The following VWA3B variants were observed in gnomAD, a reference collection of about 807,000 sequenced individuals.
VWA3B encodes von Willebrand factor A domain containing 3B.
VWA3B carries 138 observed loss-of-function variants against 158.3 expected under a neutral mutation model. The observed-to-expected ratio is 0.87, with a 90% confidence interval of 0.76 to 1.00. VWA3B has a LOEUF of 1.00. Ranked by LOEUF, VWA3B falls within the 50% of genes least tolerant of loss-of-function variation. VWA3B has a pLI of 0.00. For synonymous variants in VWA3B, 596 were observed against 587.3 expected (o/e 1.01, Z -0.21); for missense variants, 1,555 against 1,565.1 (o/e 0.99, Z 0.11).
chr2:98,145,143 C>T (rs900726962), intron 7 of VWA3B, among the ~76,000 whole-genome samples: 15 of 152,318 alleles, frequency 9.8e-5, no homozygotes, highest in South Asian at 2.1e-4. Flanking sequence ...CTGCTGTGGT[C>T]GATTTTCCCT....
At chr2:98,307,806 T>C (rs1348901511) in intron 26 of VWA3B, among the ~76,000 whole-genome samples, 1 of 152,224 alleles carries the variant, frequency 6.6e-6, no homozygotes, top group Non-Finnish European at 1.5e-5. Context: ...CAACAGAACA[T>C]TATTTGACTA....
At chr2:98,314,641 A>G (rs1691050140), downstream of VWA3B, among the ~76,000 whole-genome samples, 1 of 152,250 alleles carries the variant, frequency 6.6e-6, no homozygotes, top group Admixed American at 6.5e-5. Context: ...TCCATCATCC[A>G]ACAAGGTACA....
intron 15 of VWA3B, chr2:98,229,085 A>G (rs958965769): frequency 1.3e-5 from 2 of 152,242 alleles, no homozygotes; most frequent in Non-Finnish European, 2.9e-5. Flanking sequence ...GTAGGGCATG[A>G]CTGTGGAATC....
In VWA3B at chr2:98,298,003, G is replaced by A. The variant is rs1689917364; in HGVS notation, c.3254G>A (p.Gly1085Glu). ...TCCACCTCCTTCATCACGCCTGTGG[G>A]GGGCGCCATGCCCTGCCCGCTGCTC... is the stretch of plus-strand genomic sequence containing the variant. ...VVSTSFITPVGGAMPCPLLQV... is the reference protein window; with the variant it reads ...VVSTSFITPVEGAMPCPLLQV... Residue 1085 changes from glycine (G) to glutamate (E), a missense_variant, in exon 24 of 28, where the codon GGG becomes GAG. Gly to Glu is a moderately conservative substitution (Grantham distance 98). Coordinates refer to ENST00000477737, the MANE Select transcript of VWA3B (RefSeq NM_144992.5). 2 of 1,580,976 alleles carry A rather than the reference G, an allele frequency of 1.3e-6. No individual in the cohort carries two copies. Among genetic ancestry groups the A allele is most frequent in the Non-Finnish European group, 1.7e-6 (2 of 1,163,800 alleles).
In VWA3B at chr2:98,194,406, G is replaced by T; in HGVS notation, c.1651G>T (p.Gly551Cys). The T allele has an allele frequency of 6.2e-7, 1 of 1,613,982 alleles. No individual in the cohort carries two copies. The highest frequency in any genetic ancestry group is 8.5e-7 in the Non-Finnish European group (1 of 1,179,896). ...TAAGTTTAACTTTGTGAAGTTTGAT[G>T]GTCAAGCAGTTGCTTGGCGGGAACA... is the stretch of plus-strand genomic sequence containing the variant. ...KSKFNFVKFD[G>C]QAVAWREQLA... The change falls in exon 12 of 28, where the codon GGT becomes TGT. Residue 551 changes from glycine to cysteine, a missense_variant. By Grantham distance (159) the Gly-to-Cys change is radical (BLOSUM62 -3). Coordinates refer to ENST00000477737, the MANE Select transcript of VWA3B (RefSeq NM_144992.5).
At chr2:98,247,204 G>T (rs972346021) in intron 19 of VWA3B, among the ~76,000 whole-genome samples, 1 of 151,850 alleles carries the variant, frequency 6.6e-6, no homozygotes, top group African/African-American at 2.4e-5. Context: ...CACCATGTTG[G>T]CCAGGCTGGT....
intron 22 of VWA3B, among the ~76,000 whole-genome samples, chr2:98,280,977 A>AT (rs1452927105): frequency 2.0e-5 from 3 of 152,188 alleles, no homozygotes; most frequent in African/African-American, 7.2e-5. Context: ...CTTTAGCACA[A>AT]TATTTGCCTT....
chr2:98,305,120 C>T (rs1026322749), intron 26 of VWA3B, among the ~76,000 whole-genome samples: 1 of 152,174 alleles, frequency 6.6e-6, no homozygotes, highest in Non-Finnish European at 1.5e-5. Flanking sequence ...CCCTTCTGCC[C>T]TAAACCCTCC....
intron 24 of VWA3B, among the ~76,000 whole-genome samples, chr2:98,299,555 C>T (rs528093276): frequency 6.6e-6 from 1 of 152,312 alleles, no homozygotes; most frequent in East Asian, 1.9e-4. Context: ...CAACAGTGCT[C>T]TTGTACCCTG....
Position 98,289,733 on chromosome 2 carries a change from G to A in VWA3B, c.3046-778G>A, listed in dbSNP as rs879624981. ...TTTTCTGTTGAAGGGCCCCTTTACC[G>A]CTCACTGTTCTAGGAAGGCAGCAGT... On this transcript the variant is annotated intron_variant, in intron 22 of 27. Coordinates refer to ENST00000477737, the MANE Select transcript of VWA3B (RefSeq NM_144992.5). 1.4e-4 allele frequency among the ~76,000 whole-genome samples: 22 copies of A among 152,264 alleles called. 1 individual carries two copies. Among genetic ancestry groups the A allele is most frequent in the South Asian group, 4.1e-4 (2 of 4,824 alleles).
intron 7 of VWA3B, among the ~76,000 whole-genome samples, chr2:98,160,832 C>G (rs1023134815): frequency 2.0e-5 from 3 of 152,202 alleles, no homozygotes; most frequent in South Asian, 4.1e-4. Flanking sequence ...GCCACAGAGC[C>G]ATGGTAGCCG....
intron 12 of VWA3B, among the ~76,000 whole-genome samples, chr2:98,196,078 G>A (rs1165396314): frequency 6.6e-6 from 1 of 152,192 alleles, no homozygotes; most frequent in African/African-American, 2.4e-5. Flanking sequence ...ACTCACAGAA[G>A]CAGAGAGTAG....
chr2:98,139,797 G>T (rs369188571), intron 7 of VWA3B, among the ~76,000 whole-genome samples: 43 of 152,194 alleles, frequency 2.8e-4, no homozygotes, highest in African/African-American at 9.4e-4. Context: ...GGTGGGGCCA[G>T]ATAAGAGAAT....
In VWA3B at chr2:98,311,929, C is replaced by A. The variant is rs760974642; in HGVS notation, c.3632C>A (p.Pro1211His). The A allele has an allele frequency of 6.2e-7, 1 of 1,607,514 alleles. No individual in the cohort carries two copies. Among genetic ancestry groups the A allele is most frequent in the Admixed American group, 1.7e-5 (1 of 59,274 alleles). ...GAGAAGCCCAGGAGGAAAAAGAGGC[C>A]CGCCAAGCAGCCACTCCAGCAGGCG... ...RREKPRRKKR[P>H]AKQPLQQAAP... The change falls in exon 27 of 28, where the codon CCC becomes CAC. Residue 1211 changes from proline (P) to histidine (H), a missense_variant. Physicochemically the swap from Pro to His is moderately conservative, Grantham distance 77 (BLOSUM62 -2). Coordinates refer to ENST00000477737, the MANE Select transcript of VWA3B (RefSeq NM_144992.5).
chr2:98,134,030 C>G, intron 7 of VWA3B, 91 bp downstream of exon 7: 6 of 1,013,624 alleles, frequency 5.9e-6, no homozygotes, highest in Non-Finnish European at 9.2e-6. Flanking sequence ...GAGGGAGAGA[C>G]TCCCCATGTC....
chr2:98,314,008 T>C (rs1691032827), downstream of VWA3B, among the ~76,000 whole-genome samples: 1 of 152,202 alleles, frequency 6.6e-6, no homozygotes, highest in Non-Finnish European at 1.5e-5. Flanking sequence ...TGCTAAAATA[T>C]ATGTAACAAC....
intron 23 of VWA3B, chr2:98,292,114 G>T (rs1192159936): frequency 2.0e-5 from 3 of 150,832 alleles, no homozygotes; most frequent in Non-Finnish European, 2.9e-5. Flanking sequence ...AATTAACCGG[G>T]CACCTGTAGT....
chr2:98,139,973 C>T (rs1201194776), intron 7 of VWA3B, among the ~76,000 whole-genome samples: 1 of 152,150 alleles, frequency 6.6e-6, no homozygotes, highest in African/African-American at 2.4e-5. Flanking sequence ...CAGCTTCACT[C>T]CTGAAGCCAG....
At chr2:98,089,645 C>CCTTCCTT (rs1267952280) in intron 1 of VWA3B, among the ~76,000 whole-genome samples, 2 of 148,772 alleles carry the variant, frequency 1.3e-5, no homozygotes, top group Non-Finnish European at 3.0e-5. Flanking sequence ...TTCCCCCTTT[C>CCTTCCTT]CTTCCTTTTT....
Sources: gnomAD v4.1 joint callset for allele counts (sites outside exome capture counted in the v4.1 genomes callset) on GRCh38, gnomAD v4.1.1 for gene constraint, MANE v1.5 for transcripts, NCBI Gene and HGNC (gene_info 2026-07-23, HGNC 2026-07-21) for gene names.